SDAD1: variants seen among roughly 807,000 people sequenced by gnomAD.
SDAD1 encodes protein SDA1 homolog.
SDAD1 carries 79 observed loss-of-function variants against 100.3 expected under a neutral mutation model. That is an observed-to-expected ratio of 0.79 (90% CI 0.66 to 0.95). The LOEUF (loss-of-function observed/expected upper bound fraction) is 0.95, where lower values mean the gene tolerates loss of function less well. Ranked by LOEUF, SDAD1 falls within the 40% of genes least tolerant of loss-of-function variation. The pLI is 0.00. For synonymous variants in SDAD1, 267 were observed against 271.4 expected (o/e 0.98, Z 0.16); for missense variants, 790 against 810.9 (o/e 0.97, Z 0.31).
intron 21 of SDAD1, among the ~76,000 whole-genome samples, chr4:75,955,252 C>T (rs965918203): frequency 1.3e-5 from 2 of 152,180 alleles, no homozygotes; most frequent in African/African-American, 2.4e-5. Flanking sequence ...GACCCTAAAT[C>T]CCTCACTAAC....
In SDAD1 at chr4:75,971,420, A is replaced by G. The variant is rs1466125240; in HGVS notation, c.750T>C (p.Tyr250=). 1 of 1,614,036 alleles carries G rather than the reference A, an allele frequency of 6.2e-7. No individual in the cohort carries two copies. Residue 250 remains tyrosine, a synonymous_variant, in exon 9 of 22, where the codon TAT becomes TAC. Transcript: ENST00000356260. ...TTTTGGAACTTTTCTTCCCTGTAGC[A>G]TATTGTACTAGCAGGTCTCTTGCTG... ...GPTARDLLVQ[Y]ATGKKSSKNK...
chr4:75,984,778 A>AAC (rs35320227), intron 1 of SDAD1, among the ~76,000 whole-genome samples: 34,493 of 136,802 alleles, frequency 0.25, 4,191 homozygotes, highest in East Asian at 0.35. Flanking sequence ...CACACACACA[A>AAC]ACACACACAC....
chr4:75,970,042 CA>C (rs1241469499), intron 10 of SDAD1, among the ~76,000 whole-genome samples: 8 of 150,720 alleles, frequency 5.3e-5, no homozygotes, highest in African/African-American at 2.0e-4. Flanking sequence ...TTTATTTGGT[CA>C]AGTACAATGC....
chr4:75,971,417 A>T lies in SDAD1; in HGVS notation c.753T>A (p.Ala251=), dbSNP rs1196523919. 1.9e-6 allele frequency: 3 copies of T among 1,614,060 alleles called. No individual in the cohort carries two copies. Among genetic ancestry groups the T allele is most frequent in the Middle Eastern group, 3.3e-4 (2 of 6,062 alleles). Residue 251 remains alanine (A), a synonymous_variant, in exon 9 of 22, where the codon GCT becomes GCA. Transcript: ENST00000356260. ...TGTTTTTGGAACTTTTCTTCCCTGT[A>T]GCATATTGTACTAGCAGGTCTCTTG... The part of the protein sequence containing the change: ...PTARDLLVQY[A]TGKKSSKNKK...
chr4:75,960,918 C>A lies in SDAD1; in HGVS notation c.1356+110G>T. 5 of 860,372 alleles carry A rather than the reference C, an allele frequency of 5.8e-6. No individual in the cohort carries two copies. In the East Asian group the frequency reaches 7.2e-5, roughly 12 times the overall value. 53.3% of individuals were successfully genotyped at this position (860,372 alleles called of 1,614,324 possible). ...AAGAATACAACCGTGTGCATCATAA[C>A]CATGTAATCATAACAGAAGCATCAT... On this transcript the variant is annotated intron_variant, in intron 16 of 21. Transcript: ENST00000356260.
At chr4:75,975,303 C>T (rs891364460) in intron 6 of SDAD1, among the ~76,000 whole-genome samples, 15 of 151,944 alleles carry the variant, frequency 9.9e-5, no homozygotes, top group Admixed American at 6.6e-4. Context: ...CTGAAGTGTA[C>T]GAAGCATGAT....
At chr4:75,954,585 A>C (rs1329462205) in intron 21 of SDAD1, among the ~76,000 whole-genome samples, 1 of 152,130 alleles carries the variant, frequency 6.6e-6, no homozygotes, top group African/African-American at 2.4e-5. Context: ...AGGTGGGAGG[A>C]TCACTTGTAG....
chr4:75,982,142 G>A (rs10021434), intron 1 of SDAD1, 105 bp from the exon 2 acceptor site: 1 of 637,126 alleles, frequency 1.6e-6, no homozygotes, highest in Non-Finnish European at 2.6e-6. Context: ...CGATCACATG[G>A]AGAAAAAGAT....
intron 1 of SDAD1, among the ~76,000 whole-genome samples, chr4:75,990,437 T>C (rs1578159353): frequency 1.3e-5 from 2 of 152,304 alleles, no homozygotes; most frequent in East Asian, 1.9e-4. Flanking sequence ...AAGTTGGTGG[T>C]TGGGTGCGGC....
chr4:75,960,672 C>T (rs868792340), intron 16 of SDAD1, among the ~76,000 whole-genome samples: 16 of 152,076 alleles, frequency 1.1e-4, no homozygotes, highest in Admixed American at 9.2e-4. Flanking sequence ...TACATGCATC[C>T]CTCCTCCCTT....
chr4:75,987,168 C>A (rs962441885), intron 1 of SDAD1, among the ~76,000 whole-genome samples: 2 of 152,128 alleles, frequency 1.3e-5, no homozygotes, highest in African/African-American at 4.8e-5. Context: ...AATTCATATA[C>A]CATAAAATTT....
At chr4:75,988,488 T>C (rs945741877) in intron 1 of SDAD1, among the ~76,000 whole-genome samples, 2 of 152,158 alleles carry the variant, frequency 1.3e-5, no homozygotes, top group African/African-American at 4.8e-5. Flanking sequence ...TCCCTAACTA[T>C]CCAATTTAAA....
intron 21 of SDAD1, among the ~76,000 whole-genome samples, chr4:75,954,878 C>T (rs537610751): frequency 2.1e-4 from 32 of 152,212 alleles, no homozygotes; most frequent in African/African-American, 6.3e-4. Flanking sequence ...GCATGAGGGG[C>T]GCCTGTCCAT....
In SDAD1 at chr4:75,956,405, TTG is replaced by T. The variant is rs1728895892; in HGVS notation, c.1855-271_1855-270del. ...GGGAGACAGGTAGACTGTTTTTTTT[TTG>T]TTTTTTTTTTTTTTGCAGGATGAAG... On this transcript the variant is annotated intron_variant, in intron 20 of 21. Transcript: ENST00000356260. Among the ~76,000 whole-genome samples, 4 of 81,990 alleles carry T rather than the reference TTG, an allele frequency of 4.9e-5. No homozygotes were observed. The South Asian group carries it at 2.3e-3, about 46-fold the overall frequency. 53.8% of individuals were successfully genotyped at this position (81,990 alleles called of 152,430 possible). A position where few individuals can be genotyped will look rare whatever the true frequency, so the allele number is the denominator to read the frequency against.
chr4:75,965,849 C>T (rs1729508833), intron 12 of SDAD1, 27 bp from the exon 13 acceptor site: 2 of 1,605,608 alleles, frequency 1.2e-6, no homozygotes, highest in African/African-American at 2.7e-5. Flanking sequence ...ACAGAAAGGT[C>T]ATGGTCAGTG....
chr4:75,951,627 C>A (rs1394088999), intron 21 of SDAD1, among the ~76,000 whole-genome samples: 1 of 152,118 alleles, frequency 6.6e-6, no homozygotes, highest in Non-Finnish European at 1.5e-5. Flanking sequence ...TCTTCAAGAT[C>A]CCCAGGGTAG....
At chr4:75,980,604 C>T (rs1385738657) in intron 3 of SDAD1, among the ~76,000 whole-genome samples, 1 of 152,174 alleles carries the variant, frequency 6.6e-6, no homozygotes, top group East Asian at 1.9e-4. Context: ...AGTGCAGAGA[C>T]ACGCAAAGCA....
intron 17 of SDAD1, among the ~76,000 whole-genome samples, chr4:75,958,621 A>T (rs7676683): frequency 1 from 152,132 of 152,282 alleles, 75,991 homozygotes; most frequent in Middle Eastern, 1. Context: ...TGAAAAGGTC[A>T]CCAAACTCTA....
At chr4:75,984,869 C>T (rs10222911) in intron 1 of SDAD1, among the ~76,000 whole-genome samples, 32,133 of 151,466 alleles carry the variant, frequency 0.21, 5,992 homozygotes, top group African/African-American at 0.5. Context: ...ATCCAGTCAC[C>T]TGTCTGACAT....
Sources: allele counts gnomAD v4.1 joint callset (sites outside exome capture counted in the v4.1 genomes callset), GRCh38; gene constraint gnomAD v4.1.1; transcripts MANE v1.5; gene names NCBI Gene and HGNC (gene_info 2026-07-23, HGNC 2026-07-21).